Variants in UPRT observed in about 807,000 individuals in gnomAD.
UPRT encodes the protein uracil phosphoribosyltransferase homolog.
In UPRT, 5 loss-of-function variants were observed where a neutral mutation model predicts 22.6. The ratio of observed to expected loss-of-function variants is 0.22; its 90% CI spans 0.12 to 0.47. UPRT has a LOEUF of 0.47. Among genes scored for constraint, UPRT ranks in the 20% least tolerant of loss-of-function variants. The pLI, the probability that UPRT is intolerant of heterozygous loss-of-function variation, is 0.99. For missense variants in UPRT, 181 were observed against 239.9 expected (o/e 0.75, Z 1.62); for synonymous variants, 77 against 87.7 (o/e 0.88, Z 0.68).
At chrX:75,179,749 C>T (rs1045012874) in intron 4 of UPRT, among the ~76,000 whole-genome samples, 4 of 113,388 alleles carry the variant, frequency 3.5e-5, no homozygotes, top group Non-Finnish European at 5.6e-5. Context: ...CCTTCTGCAG[C>T]CACTGGCCCG....
At chrX:75,272,306 ATATGTG>A (rs1269736349), upstream of UPRT, among the ~76,000 whole-genome samples, 1 of 15,015 alleles carries the variant, frequency 6.7e-5, no homozygotes, top group Non-Finnish European at 6.2e-4. Context: ...ATGTGTATAT[ATATGTG>A]TATATATACA....
At chrX:75,253,765 A>T (rs1380731125) in intron 4 of UPRT, among the ~76,000 whole-genome samples, 2 of 112,168 alleles carry the variant, frequency 1.8e-5, no homozygotes, top group Non-Finnish European at 3.8e-5. Flanking sequence ...GTGAAAATAG[A>T]AAAGGGAGAT....
intron 4 of UPRT, among the ~76,000 whole-genome samples, chrX:75,234,913 A>G (rs1239997490): frequency 5.4e-5 from 6 of 111,595 alleles, no homozygotes; most frequent in Non-Finnish European, 9.4e-5. Flanking sequence ...AAAAGCTAGC[A>G]GAAGGCAAGA....
chrX:75,251,661 C>T (rs1208717352), intron 4 of UPRT, among the ~76,000 whole-genome samples: 1 of 111,378 alleles, frequency 9.0e-6, no homozygotes. Context: ...AGATTCAATG[C>T]CATCCCCATT....
At chrX:75,247,909 G>T (rs909066867) in intron 4 of UPRT, among the ~76,000 whole-genome samples, 1 of 111,797 alleles carries the variant, frequency 8.9e-6, no homozygotes, top group Non-Finnish European at 1.9e-5. Flanking sequence ...AGCATTTGTG[G>T]TTCACCAATA....
chrX:75,203,672 G>T (rs1027112226), intron 4 of UPRT, among the ~76,000 whole-genome samples: 11 of 110,316 alleles, frequency 1.0e-4, no homozygotes, highest in Non-Finnish European at 2.1e-4. Flanking sequence ...GGCAGGGTCT[G>T]GGGGGGCATG....
chrX:75,260,428 CAAAA>C (rs775987532), intron 4 of UPRT, among the ~76,000 whole-genome samples: 2 of 107,316 alleles, frequency 1.9e-5, no homozygotes, highest in African/African-American at 3.4e-5. Flanking sequence ...AAATGGAAAG[CAAAA>C]AAAAAGCAGA....
chrX:75,241,561 T>C (rs941504296), intron 4 of UPRT, among the ~76,000 whole-genome samples: 2 of 111,744 alleles, frequency 1.8e-5, no homozygotes, highest in African/African-American at 6.5e-5. Context: ...GATCCAGTAA[T>C]CTCACTATTG....
At chrX:75,197,958 G>T (rs2082337427) in intron 4 of UPRT, among the ~76,000 whole-genome samples, 1 of 112,204 alleles carries the variant, frequency 8.9e-6, no homozygotes, top group Non-Finnish European at 1.9e-5. Context: ...AACCTACTTT[G>T]ATCCAGCAAT....
chrX:75,248,539 C>T (rs2082515656), intron 4 of UPRT, among the ~76,000 whole-genome samples: 1 of 111,741 alleles, frequency 8.9e-6, no homozygotes, highest in Non-Finnish European at 1.9e-5. Flanking sequence ...AACAAAGCCT[C>T]CAAGAAATAT....
upstream of UPRT, among the ~76,000 whole-genome samples, chrX:75,271,832 G>A (rs1209830233): frequency 9.0e-6 from 1 of 111,127 alleles, no homozygotes; most frequent in East Asian, 2.8e-4. Context: ...GTGGGCTAAG[G>A]ACATGAATAG....
chrX:75,186,653 G>A (rs1312520844), intron 4 of UPRT, among the ~76,000 whole-genome samples: 1 of 111,747 alleles, frequency 8.9e-6, no homozygotes, highest in East Asian at 2.8e-4. Context: ...TTGTGTGGGA[G>A]TCTAAGTCAC....
chrX:75,285,769 C>G (rs924798553), intron 1 of UPRT, among the ~76,000 whole-genome samples: 13 of 110,382 alleles, frequency 1.2e-4, no homozygotes, highest in Non-Finnish European at 2.5e-4. Context: ...TATTGACACT[C>G]TGTGAGTTTA....
chrX:75,188,564 C>T (rs923700057), intron 4 of UPRT, among the ~76,000 whole-genome samples: 2 of 112,814 alleles, frequency 1.8e-5, no homozygotes, highest in Non-Finnish European at 3.8e-5. Context: ...GTTTGAGCTT[C>T]CAGGCTGCTT....
intron 4 of UPRT, among the ~76,000 whole-genome samples, chrX:75,203,614 C>T (rs949225729): frequency 6.3e-5 from 7 of 110,369 alleles, no homozygotes; most frequent in African/African-American, 2.3e-4. Flanking sequence ...CAGCTTAATG[C>T]CAGTGCCACC....
intron 4 of UPRT, among the ~76,000 whole-genome samples, chrX:75,200,197 C>T (rs59376924): frequency 0.029 from 3,231 of 112,236 alleles, 115 homozygotes; most frequent in African/African-American, 0.1. Context: ...CTGCTATTGT[C>T]CTAGGCCCGA....
At chrX:75,203,382 G>T (rs1466718626) in intron 4 of UPRT, among the ~76,000 whole-genome samples, 1 of 110,339 alleles carries the variant, frequency 9.1e-6, no homozygotes, top group African/African-American at 3.3e-5. Flanking sequence ...ATATTAGACA[G>T]ATCAATGAGA....
At chrX:75,158,327 A>G (rs1199899438) in intron 1 of UPRT, among the ~76,000 whole-genome samples, 1 of 112,405 alleles carries the variant, frequency 8.9e-6, no homozygotes, top group Non-Finnish European at 1.9e-5. Context: ...GGTATACACA[A>G]TAAAAGCTGC....
intron 4 of UPRT, among the ~76,000 whole-genome samples, chrX:75,183,611 A>G (rs2082278825): frequency 8.9e-6 from 1 of 111,968 alleles, no homozygotes; most frequent in Non-Finnish European, 1.9e-5. Context: ...GACTTCCAAA[A>G]TGATTGAACT....
Sources: gnomAD v4.1 joint callset for allele counts (sites outside exome capture counted in the v4.1 genomes callset) on GRCh38, gnomAD v4.1.1 for gene constraint, MANE v1.5 for transcripts, NCBI Gene and HGNC (gene_info 2026-07-23, HGNC 2026-07-21) for gene names.